The following PDE8B variants were observed in gnomAD, a reference collection of about 807,000 sequenced individuals.
PDE8B encodes high affinity cAMP-specific and IBMX-insensitive 3',5'-cyclic phosphodiesterase 8B.
A neutral mutation model predicts 101.3 loss-of-function variants in PDE8B; 26 were observed. The observed-to-expected ratio is 0.26, with a 90% confidence interval of 0.19 to 0.36. The LOEUF (loss-of-function observed/expected upper bound fraction) is 0.36. Ranked by LOEUF, PDE8B falls within the 10% of genes least tolerant of loss-of-function variation. The probability of loss-of-function intolerance (pLI) is 1.00; values close to 1 mark genes in which losing one functional copy is unlikely to be tolerated. For synonymous variants in PDE8B, 424 were observed against 429.3 expected, an observed-to-expected ratio of 0.99 and a Z score of 0.15; for missense variants, 810 against 1,163.1, an observed-to-expected ratio of 0.70 and a Z score of 4.42.
chr5:77,193,943 G>C, the PDE8B span, among the ~76,000 whole-genome samples: 1 of 152,032 alleles, frequency 6.6e-6, no homozygotes, highest in Admixed American at 6.6e-5. Flanking sequence ...ATGGTTCATT[G>C]CTGGTATATA....
chr5:77,266,449 A>G (rs1359677041), intron 1 of PDE8B, among the ~76,000 whole-genome samples: 1 of 152,170 alleles, frequency 6.6e-6, no homozygotes, highest in African/African-American at 2.4e-5. Context: ...GTCTATTCCT[A>G]GGGGAAAGAA....
Position 77,351,162 on chromosome 5 carries a change from A to C in PDE8B, c.1106+9A>C. On this transcript the variant is annotated intron_variant, in intron 9 of 21. Coordinates refer to ENST00000264917, the MANE Select transcript of PDE8B (RefSeq NM_003719.5). ...GTGATTGGCCAAGGAGGGTGAGAGC[A>C]AACTGTTCAACTCTTTTAGCTGAAG... 1.3e-6 allele frequency: 2 copies of C among 1,596,660 alleles called. No homozygotes were observed. Among genetic ancestry groups the C allele is most frequent in the Non-Finnish European group, 1.7e-6 (2 of 1,164,172 alleles).
chr5:77,391,697 C>T (rs1330607977), intron 10 of PDE8B, among the ~76,000 whole-genome samples: 1 of 152,206 alleles, frequency 6.6e-6, no homozygotes. Flanking sequence ...CCCATGTTGA[C>T]ATCGCAGGAG....
At chr5:77,340,121 T>A (rs190078815) in intron 6 of PDE8B, among the ~76,000 whole-genome samples, 4 of 152,266 alleles carry the variant, frequency 2.6e-5, no homozygotes, top group Admixed American at 1.3e-4. Context: ...TTAGCAGGAG[T>A]TTGGGCTGAT....
chr5:77,183,040 A>T, the PDE8B span, among the ~76,000 whole-genome samples: 5 of 151,776 alleles, frequency 3.3e-5, no homozygotes, highest in Admixed American at 6.6e-5. Flanking sequence ...GGCGCTAGGC[A>T]TTGGACTAAG....
the PDE8B span, among the ~76,000 whole-genome samples, chr5:77,103,968 T>G: frequency 6.6e-6 from 1 of 152,202 alleles, no homozygotes; most frequent in Non-Finnish European, 1.5e-5. Context: ...AATAAATGCT[T>G]GTCATTCTAG....
the PDE8B span, among the ~76,000 whole-genome samples, chr5:77,152,325 T>A: frequency 1.3e-5 from 2 of 152,224 alleles, no homozygotes; most frequent in Admixed American, 6.5e-5. Context: ...GAGTTCGCAA[T>A]GACATTTTTT....
intron 8 of PDE8B, among the ~76,000 whole-genome samples, chr5:77,350,076 G>A (rs1418432222): frequency 2.6e-5 from 4 of 152,152 alleles, no homozygotes; most frequent in African/African-American, 7.2e-5. Flanking sequence ...ATGGAAGTCC[G>A]AGAGGAATTT....
At chr5:77,360,387 G>A (rs560803319) in intron 10 of PDE8B, among the ~76,000 whole-genome samples, 110 of 152,318 alleles carry the variant, frequency 7.2e-4, no homozygotes, top group Non-Finnish European at 1.2e-3. Flanking sequence ...CCTTAGGCCT[G>A]ACTTCTGTTA....
At chr5:77,348,923 C>T (rs1221125670) in intron 7 of PDE8B, among the ~76,000 whole-genome samples, 3 of 152,172 alleles carry the variant, frequency 2.0e-5, no homozygotes, top group Non-Finnish European at 4.4e-5. Flanking sequence ...CCCAACTGAT[C>T]CTCCTGCCTC....
chr5:77,115,024 C>T, the PDE8B span: 1 of 152,104 alleles, frequency 6.6e-6, no homozygotes, highest in African/African-American at 2.4e-5. Flanking sequence ...AAGAGTTGTT[C>T]ATCCTGCCAT....
intron 1 of PDE8B, among the ~76,000 whole-genome samples, chr5:77,292,130 TATTAA>T (rs2149955253): frequency 6.6e-6 from 1 of 152,186 alleles, no homozygotes; most frequent in East Asian, 1.9e-4. Context: ...TTTAATGATG[TATTAA>T]ATTAAACACC....
chr5:77,163,946 C>G, the PDE8B span, among the ~76,000 whole-genome samples: 1 of 152,198 alleles, frequency 6.6e-6, no homozygotes, highest in Non-Finnish European at 1.5e-5. Flanking sequence ...TCTTTGTACT[C>G]TGCTGTCCCT....
intron 5 of PDE8B, 130 bp from the exon 6 acceptor site, chr5:77,337,097 C>A: frequency 1.5e-6 from 1 of 663,834 alleles, no homozygotes; most frequent in East Asian, 2.8e-5. Flanking sequence ...GCTGTTTCAT[C>A]TCATCTTACC....
At chr5:77,136,175 T>A in the PDE8B span, among the ~76,000 whole-genome samples, 3 of 152,226 alleles carry the variant, frequency 2.0e-5, no homozygotes, top group Admixed American at 2.0e-4. Flanking sequence ...CTGTTTTCCT[T>A]TCATGAATGC....
At chr5:77,121,702 T>A in the PDE8B span, among the ~76,000 whole-genome samples, 505 of 152,262 alleles carry the variant, frequency 3.3e-3, 2 homozygotes, top group African/African-American at 0.012. Flanking sequence ...GAGACGGGGT[T>A]TCACCATATT....
At position 77,274,875 on chromosome 5, in the gene PDE8B, A is replaced by G. The variant is rs370194702; in HGVS notation, c.340-37119A>G. 7.9e-5 allele frequency among the ~76,000 whole-genome samples: 12 copies of G among 152,328 alleles called. No homozygotes were observed. The East Asian group carries it at 1.3e-3, about 17-fold the overall frequency. On this transcript the variant is annotated intron_variant, in intron 1 of 21. Coordinates refer to ENST00000264917, the MANE Select transcript of PDE8B (RefSeq NM_003719.5). ...CAAATTGTCATAAAAGTTTTAGATA[A>G]AAGTTCATATATACGTTTCAGAGAG...
Position 77,210,697 on chromosome 5 carries a change from C to A in PDE8B, c.-229C>A. On this transcript the variant is annotated 5_prime_UTR_variant, in exon 1 of 22. Transcript: ENST00000264917. The surrounding 1 kb of genome is among the most constrained non-coding windows in gnomAD (Gnocchi z 4.9). ...GGGGCGCTGTGTATGCGCGCTCCCC[C>A]GCTCGGGGAGGAAGATGGCCCAAAA... 5 of 980,094 alleles carry A rather than the reference C, an allele frequency of 5.1e-6. No individual in the cohort carries two copies. The highest frequency in any genetic ancestry group is 6.0e-6 in the Non-Finnish European group (5 of 827,480). 60.7% of individuals were successfully genotyped at this position (980,094 alleles called of 1,614,324 possible).
chr5:77,319,205 G>A (rs866086357), intron 2 of PDE8B, among the ~76,000 whole-genome samples: 17 of 152,136 alleles, frequency 1.1e-4, no homozygotes, highest in African/African-American at 3.9e-4. Flanking sequence ...TTCAAATTGC[G>A]GTTACATCAG....
Sources: allele counts gnomAD v4.1 joint callset (sites outside exome capture counted in the v4.1 genomes callset), GRCh38; gene constraint gnomAD v4.1.1; non-coding constraint Gnocchi (gnomAD v3.1); transcripts MANE v1.5; gene names NCBI Gene and HGNC (gene_info 2026-07-23, HGNC 2026-07-21).